Variants in ZNHIT6 observed in about 807,000 individuals in gnomAD.
ZNHIT6 encodes the protein zinc finger HIT-type containing 6.
A neutral mutation model predicts 57.2 loss-of-function variants in ZNHIT6; 45 were observed. The ratio of observed to expected loss-of-function variants is 0.79; its 90% confidence interval spans 0.62 to 1.01. ZNHIT6 has a LOEUF of 1.01. ZNHIT6 is among the 50% of genes least tolerant of loss of function. The pLI is 0.00. For synonymous variants in ZNHIT6, 188 were observed against 190.0 expected, an observed-to-expected ratio of 0.99 and a Z score of 0.09; for missense variants, 528 against 567.3, an observed-to-expected ratio of 0.93 and a Z score of 0.70.
At chr1:85,665,385 A>G (rs1359908647) in intron 8 of ZNHIT6, among the ~76,000 whole-genome samples, 1 of 151,950 alleles carries the variant, frequency 6.6e-6, no homozygotes, top group Non-Finnish European at 1.5e-5. Context: ...TCAGCCTCCC[A>G]AAGTGTTGGG....
intron 5 of ZNHIT6, among the ~76,000 whole-genome samples, chr1:85,690,055 G>A (rs946976429): frequency 6.6e-6 from 1 of 152,154 alleles, no homozygotes; most frequent in African/African-American, 2.4e-5. Flanking sequence ...GCTATCATGT[G>A]TACTCTCACA....
At chr1:85,659,898 T>C (rs1661177259) in intron 8 of ZNHIT6, among the ~76,000 whole-genome samples, 1 of 152,156 alleles carries the variant, frequency 6.6e-6, no homozygotes, top group South Asian at 2.1e-4. Flanking sequence ...TTGCAGAATA[T>C]TCTTTATGTT....
At chr1:85,689,240 A>G (rs1662148118) in intron 5 of ZNHIT6, among the ~76,000 whole-genome samples, 1 of 152,236 alleles carries the variant, frequency 6.6e-6, no homozygotes, top group South Asian at 2.1e-4. Context: ...TACAAAATCT[A>G]TAAAATACCT....
intron 8 of ZNHIT6, among the ~76,000 whole-genome samples, chr1:85,676,230 A>C (rs557166229): frequency 2.0e-5 from 3 of 151,916 alleles, no homozygotes; most frequent in African/African-American, 7.2e-5. Flanking sequence ...CAGCTACTCA[A>C]GAGACTGAGG....
At chr1:85,661,147 A>G (rs1356394800) in intron 8 of ZNHIT6, among the ~76,000 whole-genome samples, 1 of 152,218 alleles carries the variant, frequency 6.6e-6, no homozygotes, top group African/African-American at 2.4e-5. Flanking sequence ...TTCATAAAGA[A>G]AGCCTATCAG....
At chr1:85,657,575 T>G (rs1661094616) in intron 9 of ZNHIT6, among the ~76,000 whole-genome samples, 1 of 152,004 alleles carries the variant, frequency 6.6e-6, no homozygotes, top group Admixed American at 6.6e-5. Context: ...GACAAAAAAA[T>G]ACATAGAACC....
chr1:85,680,393 A>G (rs1325430295), intron 6 of ZNHIT6, among the ~76,000 whole-genome samples: 1 of 145,058 alleles, frequency 6.9e-6, no homozygotes, highest in Non-Finnish European at 1.5e-5. Flanking sequence ...GTCATTTTTC[A>G]CTTCCTTAAC....
intron 6 of ZNHIT6, 147 bp from the exon 7 acceptor site, chr1:85,678,928 A>C: frequency 4.1e-6 from 2 of 493,698 alleles, no homozygotes; most frequent in Non-Finnish European, 7.0e-6. Flanking sequence ...AAAATAAAAT[A>C]TCATTTTAAG....
At chr1:85,687,288 C>CAAAAAAAAAAAAAAAAAAAAAAA (rs1358501791) in intron 5 of ZNHIT6, among the ~76,000 whole-genome samples, 2 of 75,224 alleles carry the variant, frequency 2.7e-5, no homozygotes, top group Non-Finnish European at 4.6e-5. Flanking sequence ...TCTCAAAAAA[C>CAAAAAAAAAAAAAAAAAAAAAAA]AAAAAAAAAA....
chr1:85,706,426 G>A lies in ZNHIT6; in HGVS notation c.722+16C>T, dbSNP rs372251735. 28 of 1,613,284 alleles carry A rather than the reference G, an allele frequency of 1.7e-5. No individual in the cohort carries two copies. The highest frequency in any genetic ancestry group is 2.4e-5 in the Non-Finnish European group (28 of 1,179,748). On this transcript the variant is annotated intron_variant, in intron 2 of 9. Transcript: ENST00000370574. The stretch of plus-strand genomic sequence containing the variant: ...GGTACAGATACAGGTTAAAAGGTAG[G>A]AAGTTACATGTATACCTGCAGGAAT...
At position 85,706,142 on chromosome 1, in the gene ZNHIT6, A is replaced by C. The variant is rs1662677187; in HGVS notation, c.851T>G (p.Val284Gly). The C allele has an allele frequency of 2.5e-6, 4 of 1,613,940 alleles. No individual in the cohort carries two copies. Among genetic ancestry groups the C allele is most frequent in the Non-Finnish European group, 3.4e-6 (4 of 1,179,900 alleles). Reference sequence around the variant, plus strand: ...AGAAATATGGTCCGCTGTTCTTGCCACATCTTCCAAAAATCGATAATCTAA... The same window carrying C: ...AGAAATATGGTCCGCTGTTCTTGCCCCATCTTCCAAAAATCGATAATCTAA... The part of the protein sequence containing the change: ...LLSDYRFLED[V>G]ARTADHISRD... The change falls in exon 4 of 10, where the codon GTG (valine) becomes GGG (glycine). Residue 284 changes from valine (V) to glycine (G), a missense_variant. By Grantham distance (109) the Val-to-Gly change is moderately radical. Coordinates refer to ENST00000370574, the MANE Select transcript of ZNHIT6 (RefSeq NM_017953.4).
At chr1:85,687,183 G>A (rs944565153) in intron 5 of ZNHIT6, among the ~76,000 whole-genome samples, 11 of 150,024 alleles carry the variant, frequency 7.3e-5, no homozygotes, top group East Asian at 3.9e-4. Context: ...AGCAGGCTGC[G>A]GCAGAAGAAT....
At chr1:85,679,462 A>G (rs1036663788) in intron 6 of ZNHIT6, among the ~76,000 whole-genome samples, 6 of 152,080 alleles carry the variant, frequency 3.9e-5, no homozygotes, top group African/African-American at 1.4e-4. Flanking sequence ...CAAAGAGAGG[A>G]TATTTATGTA....
rs564156059 is a variant in ZNHIT6, at chr1:85,651,117, T to C, written c.*2941A>G. The C allele has an allele frequency of 4.6e-5, 7 of 152,326 alleles. No individual in the cohort carries two copies. Among genetic ancestry groups the C allele is most frequent in the Non-Finnish European group, 7.4e-5 (5 of 68,018 alleles). The allele number at this position is 152,326 out of a possible 1,614,324, so 9.4% of individuals were successfully genotyped here. ...AATGTATAAAGAAAATTGTTGGCAT[T>C]ATAGTTATGTGATTAACATTTTAAT... On this transcript the variant is annotated 3_prime_UTR_variant, in exon 10 of 10. Transcript: ENST00000370574.
chr1:85,687,081 A>G (rs986140882), intron 5 of ZNHIT6, among the ~76,000 whole-genome samples: 11 of 151,376 alleles, frequency 7.3e-5, no homozygotes, highest in African/African-American at 2.7e-4. Context: ...ACAAGCCTGG[A>G]CAACATAGTG....
Position 85,707,853 on chromosome 1 carries a change from T to C in ZNHIT6, c.432A>G (p.Glu144=). The C allele has an allele frequency of 6.2e-7, 1 of 1,614,068 alleles. No individual in the cohort carries two copies. Among genetic ancestry groups the C allele is most frequent in the Non-Finnish European group, 8.5e-7 (1 of 1,180,014 alleles). ...EPEVKEEKVK[E]EVMDWSEVKE... is the part of the protein sequence containing the mutation. ...TCACTTCTGACCAGTCCATTACCTC[T>C]TCCTTTACCTTCTCTTCCTTTACCT... The change falls in exon 1 of 10, where the codon GAA becomes GAG. Residue 144 remains glutamate, a synonymous_variant. Transcript: ENST00000370574.
rs1445244986 is a variant in ZNHIT6 at position 85,707,762 on chromosome 1, C to T, written c.523G>A (p.Glu175Lys). 1 of 1,614,120 alleles carries T rather than the reference C, an allele frequency of 6.2e-7. No homozygotes were observed. ...EKFVGQCIKE[E>K]LMHGECVKEE... ...TTTACACACTCTCCATGCATCAATT[C>T]CTCTTTTATGCATTGACCAACAAAC... The change falls in exon 1 of 10, where the codon GAA becomes AAA. Residue 175 changes from glutamate to lysine, a missense_variant. Physicochemically the swap from Glu to Lys is moderately conservative, Grantham distance 56. Transcript: ENST00000370574.
intron 9 of ZNHIT6, 140 bp downstream of exon 9, chr1:85,657,707 C>A: frequency 1.3e-6 from 1 of 758,576 alleles, no homozygotes; most frequent in Non-Finnish European, 2.0e-6. Flanking sequence ...CCTGGTTCTT[C>A]ACATTAACTA....
intron 5 of ZNHIT6, among the ~76,000 whole-genome samples, chr1:85,687,945 A>T (rs1557861939): frequency 6.6e-6 from 1 of 151,914 alleles, no homozygotes; most frequent in Non-Finnish European, 1.5e-5. Flanking sequence ...CGGGAGGCTG[A>T]GGCAGAAGAA....
Sources: gnomAD v4.1 joint callset for allele counts (sites outside exome capture counted in the v4.1 genomes callset) on GRCh38, gnomAD v4.1.1 for gene constraint, MANE v1.5 for transcripts, NCBI Gene and HGNC (gene_info 2026-07-23, HGNC 2026-07-21) for gene names.